AFG1L: variants seen among roughly 807,000 people sequenced by gnomAD.
AFG1L encodes the protein AFG1-like ATPase.
A neutral mutation model predicts 62.2 loss-of-function variants in AFG1L; 53 were observed. The observed-to-expected ratio is 0.85, with a 90% confidence interval of 0.68 to 1.07. The LOEUF is 1.07. Ranked by LOEUF, AFG1L falls within the 50% of genes least tolerant of loss-of-function variation. The probability of loss-of-function intolerance (pLI) is 0.00; values close to 1 mark genes in which losing one functional copy is unlikely to be tolerated. For synonymous variants in AFG1L, 228 were observed against 210.3 expected, an observed-to-expected ratio of 1.08 and a Z score of -0.73; for missense variants, 555 against 590.5, an observed-to-expected ratio of 0.94 and a Z score of 0.62.
chr6:108,406,492 C>T (rs561013721), intron 7 of AFG1L, among the ~76,000 whole-genome samples: 192 of 152,154 alleles, frequency 1.3e-3, no homozygotes, highest in African/African-American at 4.1e-3. Flanking sequence ...GGCTGGAGTG[C>T]GGTGGCATGA....
chr6:108,480,840 C>A (rs557351936), intron 10 of AFG1L, among the ~76,000 whole-genome samples: 13 of 152,222 alleles, frequency 8.5e-5, no homozygotes, highest in African/African-American at 3.1e-4. Flanking sequence ...AAAGTGTAAT[C>A]AGATAATTTG....
At chr6:108,379,129 G>A (rs1780384307) in intron 6 of AFG1L, among the ~76,000 whole-genome samples, 1 of 150,862 alleles carries the variant, frequency 6.6e-6, no homozygotes, top group Non-Finnish European at 1.5e-5. Flanking sequence ...TCCTGCCTCA[G>A]CCTCCTGAGT....
intron 1 of AFG1L, among the ~76,000 whole-genome samples, chr6:108,321,538 G>A (rs553233249): frequency 6.6e-6 from 1 of 152,292 alleles, no homozygotes; most frequent in Admixed American, 6.5e-5. Flanking sequence ...ACTCAGGTGT[G>A]ATGCAATGAA....
chr6:108,498,707 G>T (rs1274460565), intron 10 of AFG1L, among the ~76,000 whole-genome samples: 1 of 152,206 alleles, frequency 6.6e-6, no homozygotes, highest in Non-Finnish European at 1.5e-5. Context: ...AGGCACGGTG[G>T]TTCATGCCTG....
chr6:108,458,245 C>T (rs67035621), intron 8 of AFG1L, among the ~76,000 whole-genome samples: 19,476 of 152,048 alleles, frequency 0.13, 1,501 homozygotes, highest in South Asian at 0.22. Context: ...ATCCCTTCCC[C>T]TCCTCTTCAA....
chr6:108,482,945 G>A (rs986989337), intron 10 of AFG1L, among the ~76,000 whole-genome samples: 12 of 151,874 alleles, frequency 7.9e-5, no homozygotes, highest in Admixed American at 2.6e-4. Context: ...CAGTGTACTC[G>A]TTGGCAGTAG....
intron 7 of AFG1L, among the ~76,000 whole-genome samples, chr6:108,412,519 G>C (rs1189427950): frequency 6.6e-6 from 1 of 152,186 alleles, no homozygotes; most frequent in Non-Finnish European, 1.5e-5. Context: ...CAGAGAGAAA[G>C]GTTGGGTTAC....
intron 3 of AFG1L, among the ~76,000 whole-genome samples, chr6:108,352,832 C>A (rs1779136208): frequency 6.6e-6 from 1 of 152,070 alleles, no homozygotes; most frequent in South Asian, 2.1e-4. Context: ...TCCCAAATTG[C>A]TGGGATTATA....
intron 8 of AFG1L, among the ~76,000 whole-genome samples, chr6:108,460,302 C>T (rs1178523228): frequency 2.0e-5 from 3 of 151,824 alleles, no homozygotes; most frequent in East Asian, 1.9e-4. Flanking sequence ...TTAAAGGAGA[C>T]GTAGATAATA....
At position 108,477,302 on chromosome 6, in the gene AFG1L, C is replaced by A; in HGVS notation, c.1062+10C>A. The A allele has an allele frequency of 6.5e-7, 1 of 1,540,330 alleles. No individual in the cohort carries two copies. The highest frequency in any genetic ancestry group is 8.9e-7 in the Non-Finnish European group (1 of 1,124,740). ...AGAGCTGTGTGAGAGAGTAAGTATC[C>A]AGGCACGTCCAGACTCACTGGCCTT... On this transcript the variant is annotated intron_variant, in intron 10 of 12. Coordinates refer to ENST00000368977, the MANE Select transcript of AFG1L (RefSeq NM_145315.5).
At chr6:108,328,910 G>A (rs1055806321) in intron 2 of AFG1L, among the ~76,000 whole-genome samples, 5 of 152,194 alleles carry the variant, frequency 3.3e-5, no homozygotes, top group Admixed American at 3.3e-4. Flanking sequence ...GTTTTACTGG[G>A]TAGTTGAAAT....
chr6:108,337,710 A>G (rs1044617075), intron 2 of AFG1L, among the ~76,000 whole-genome samples: 2 of 152,204 alleles, frequency 1.3e-5, no homozygotes, highest in African/African-American at 4.8e-5. Flanking sequence ...GTAGAAACCT[A>G]AATTGGACAT....
At chr6:108,441,390 C>T (rs1453602742) in intron 7 of AFG1L, among the ~76,000 whole-genome samples, 1 of 152,118 alleles carries the variant, frequency 6.6e-6, no homozygotes, top group Non-Finnish European at 1.5e-5. Flanking sequence ...CTTTTCCTCT[C>T]CAAATTTTCT....
intron 6 of AFG1L, among the ~76,000 whole-genome samples, chr6:108,400,428 T>C (rs1386876644): frequency 6.6e-6 from 1 of 150,984 alleles, no homozygotes; most frequent in Non-Finnish European, 1.5e-5. Context: ...AGATAATTTT[T>C]CGGCATCAAT....
intron 6 of AFG1L, among the ~76,000 whole-genome samples, chr6:108,387,032 T>A (rs1028196585): frequency 6.6e-6 from 1 of 152,088 alleles, no homozygotes; most frequent in Non-Finnish European, 1.5e-5. Context: ...TAATGAACAT[T>A]CCAATTAAAA....
At chr6:108,310,103 G>C (rs571827462) in intron 1 of AFG1L, among the ~76,000 whole-genome samples, 2 of 152,264 alleles carry the variant, frequency 1.3e-5, no homozygotes, top group South Asian at 4.1e-4. Flanking sequence ...TTGTGTCACG[G>C]TTCAGGAACC....
chr6:108,428,572 G>A (rs945671812), intron 7 of AFG1L, among the ~76,000 whole-genome samples: 3 of 152,190 alleles, frequency 2.0e-5, no homozygotes, highest in Non-Finnish European at 2.9e-5. Flanking sequence ...CACGAGCAGT[G>A]TATAAGAGTT....
chr6:108,301,885 C>T (rs1229352825), intron 1 of AFG1L, among the ~76,000 whole-genome samples: 6 of 151,470 alleles, frequency 4.0e-5, no homozygotes, highest in Non-Finnish European at 8.8e-5. Flanking sequence ...GATTGATTTA[C>T]AAGAATAAGC....
intron 1 of AFG1L, among the ~76,000 whole-genome samples, chr6:108,307,506 G>C (rs1777248506): frequency 6.6e-6 from 1 of 150,956 alleles, no homozygotes; most frequent in Admixed American, 6.6e-5. Flanking sequence ...AACCTCCCAG[G>C]TCCAAGTAAT....
Sources: gnomAD v4.1 joint callset for allele counts (sites outside exome capture counted in the v4.1 genomes callset) on GRCh38, gnomAD v4.1.1 for gene constraint, MANE v1.5 for transcripts, NCBI Gene and HGNC (gene_info 2026-07-23, HGNC 2026-07-21) for gene names.